The following CNTN5 variants were observed in gnomAD, a reference collection of about 807,000 sequenced individuals.
CNTN5 encodes contactin-5.
Under a neutral mutation model 129.1 loss-of-function variants are expected in CNTN5, and 77 were observed. The ratio of observed to expected loss-of-function variants is 0.60; its 90% CI spans 0.50 to 0.72. The LOEUF (loss-of-function observed/expected upper bound fraction) is 0.72. CNTN5 is among the 30% of genes least tolerant of loss of function. The pLI is 0.00. For synonymous variants in CNTN5, 509 were observed against 465.6 expected (o/e 1.09, Z -1.20); for missense variants, 1,478 against 1,328.8 (o/e 1.11, Z -1.75).
intron 21 of CNTN5, among the ~76,000 whole-genome samples, chr11:100,327,574 G>A (rs1222728109): frequency 6.6e-6 from 1 of 152,136 alleles, no homozygotes; most frequent in Non-Finnish European, 1.5e-5. Flanking sequence ...ATCAAAACCC[G>A]AGTTTTACAT....
chr11:100,096,835 T>A (rs1397149001), intron 13 of CNTN5, among the ~76,000 whole-genome samples: 1 of 152,066 alleles, frequency 6.6e-6, no homozygotes, highest in Non-Finnish European at 1.5e-5. Context: ...AAGGAAAACA[T>A]GAATTTACAT....
At chr11:99,081,008 C>T (rs1463756296) in intron 1 of CNTN5, among the ~76,000 whole-genome samples, 18 of 104,834 alleles carry the variant, frequency 1.7e-4, no homozygotes, top group African/African-American at 6.8e-4. Flanking sequence ...TTCAGAAGAA[C>T]ATATACCCTG....
Position 99,448,860 on chromosome 11 carries a change from C to T in CNTN5, c.-70-107285C>T, listed in dbSNP as rs903169130. Among the ~76,000 whole-genome samples, 26 of 150,684 alleles carry T rather than the reference C, an allele frequency of 1.7e-4. 1 individual carries two copies. The highest frequency in any genetic ancestry group is 5.9e-4 in the African/African-American group (24 of 40,906). On this transcript the variant is annotated intron_variant, in intron 2 of 24. Coordinates refer to ENST00000524871, the MANE Select transcript of CNTN5 (RefSeq NM_014361.4). The stretch of plus-strand genomic sequence containing the variant: ...TGGTGTGATCATGGCTCATTGCAGC[C>T]TCTGTCTCCTGCTGGACTCAAGTGA...
intron 1 of CNTN5, among the ~76,000 whole-genome samples, chr11:99,054,116 C>G (rs1328848521): frequency 1.3e-5 from 2 of 151,894 alleles, no homozygotes; most frequent in East Asian, 3.9e-4. Context: ...GGAGTTTAGT[C>G]TTCAGGATGC....
At chr11:100,036,253 G>C (rs1941995345) in intron 9 of CNTN5, among the ~76,000 whole-genome samples, 1 of 152,016 alleles carries the variant, frequency 6.6e-6, no homozygotes, top group South Asian at 2.1e-4. Flanking sequence ...GTTTTTGTCA[G>C]GTTTGTCAAA....
In CNTN5 at chr11:100,169,794, G is replaced by A. The variant is rs148518845; in HGVS notation, c.1581-21332G>A. On this transcript the variant is annotated intron_variant, in intron 13 of 24. Coordinates refer to ENST00000524871, the MANE Select transcript of CNTN5 (RefSeq NM_014361.4). ...TAGTAGCTGAGATTTAAGTTGTCTA[G>A]TTAGTATGACTAAGTTTTTCCATTA... 1.7e-4 allele frequency among the ~76,000 whole-genome samples: 26 copies of A among 152,082 alleles called. No individual in the cohort carries two copies. In the East Asian group the frequency reaches 5.1e-3, roughly 30 times the overall value.
At chr11:99,826,529 A>G (rs1329283813) in intron 4 of CNTN5, among the ~76,000 whole-genome samples, 2 of 152,210 alleles carry the variant, frequency 1.3e-5, no homozygotes, top group African/African-American at 4.8e-5. Context: ...AGAGGCATCA[A>G]ATTTAACCTG....
chr11:99,093,649 CAAAT>C (rs1442398949), intron 1 of CNTN5, among the ~76,000 whole-genome samples: 2 of 151,932 alleles, frequency 1.3e-5, no homozygotes, highest in African/African-American at 4.8e-5. Context: ...AAGGCAATGT[CAAAT>C]GAATGCTTTT....
chr11:99,283,922 C>T (rs1863811993), intron 1 of CNTN5, among the ~76,000 whole-genome samples: 1 of 152,078 alleles, frequency 6.6e-6, no homozygotes, highest in Non-Finnish European at 1.5e-5. Context: ...CTCATACGAG[C>T]AGTACATTAA....
At chr11:99,542,767 G>A (rs1418021387) in intron 2 of CNTN5, among the ~76,000 whole-genome samples, 1 of 152,196 alleles carries the variant, frequency 6.6e-6, no homozygotes, top group East Asian at 1.9e-4. Flanking sequence ...AGGCAGAAAT[G>A]GACAGGTCCT....
At chr11:100,276,953 C>T (rs979881670) in intron 18 of CNTN5, among the ~76,000 whole-genome samples, 1 of 151,860 alleles carries the variant, frequency 6.6e-6, no homozygotes, top group East Asian at 1.9e-4. Context: ...ATCTTCCCTT[C>T]CCCCCAACCC....
intron 1 of CNTN5, among the ~76,000 whole-genome samples, chr11:99,117,994 G>A (rs1858122589): frequency 6.6e-6 from 1 of 152,150 alleles, no homozygotes; most frequent in African/African-American, 2.4e-5. Flanking sequence ...GTTTTCTGAA[G>A]AGTAATTTCC....
At chr11:99,842,671 T>TC (rs373159211) in intron 4 of CNTN5, among the ~76,000 whole-genome samples, 3 of 152,312 alleles carry the variant, frequency 2.0e-5, no homozygotes, top group East Asian at 1.9e-4. Flanking sequence ...GGGTTTTTTT[T>TC]CCCACAGCGT....
At chr11:100,286,333 C>A (rs1400394915) in intron 18 of CNTN5, among the ~76,000 whole-genome samples, 6 of 152,090 alleles carry the variant, frequency 3.9e-5, no homozygotes, top group Admixed American at 6.5e-5. Context: ...ACAGCAGGAA[C>A]CTCTGCAGAC....
intron 1 of CNTN5, among the ~76,000 whole-genome samples, chr11:99,164,643 T>A (rs1055579493): frequency 6.6e-6 from 1 of 152,190 alleles, no homozygotes; most frequent in Non-Finnish European, 1.5e-5. Context: ...AATATTAACA[T>A]ATACAAATAT....
chr11:99,916,769 T>C (rs1949800765), intron 7 of CNTN5, among the ~76,000 whole-genome samples: 2 of 152,146 alleles, frequency 1.3e-5, no homozygotes, highest in Admixed American at 1.3e-4. Context: ...ATCTATTTTG[T>C]TTGAGTTTCA....
intron 1 of CNTN5, among the ~76,000 whole-genome samples, chr11:99,278,043 A>G (rs960236775): frequency 6.6e-6 from 1 of 151,698 alleles, no homozygotes; most frequent in Non-Finnish European, 1.5e-5. Flanking sequence ...TTGTTTTTAC[A>G]CAAAGAAAGC....
chr11:100,239,798 A>G (rs1433575003), intron 16 of CNTN5, among the ~76,000 whole-genome samples: 3 of 152,216 alleles, frequency 2.0e-5, no homozygotes, highest in Non-Finnish European at 4.4e-5. Context: ...TGCAAGTTAC[A>G]TAGGGTAATT....
At chr11:99,376,708 T>C (rs1210295729) in intron 2 of CNTN5, among the ~76,000 whole-genome samples, 1 of 152,062 alleles carries the variant, frequency 6.6e-6, no homozygotes, top group Non-Finnish European at 1.5e-5. Context: ...CTAATGTGAG[T>C]ACAAAGGAGG....
Sources: gnomAD v4.1 joint callset for allele counts (sites outside exome capture counted in the v4.1 genomes callset) on GRCh38, gnomAD v4.1.1 for gene constraint, MANE v1.5 for transcripts, NCBI Gene and HGNC (gene_info 2026-07-23, HGNC 2026-07-21) for gene names.